The following LRBA variants were observed in gnomAD, a reference collection of about 807,000 sequenced individuals.
The protein encoded by LRBA is LPS responsive beige-like anchor protein.
Under a neutral mutation model 330.0 loss-of-function variants are expected in LRBA, and 176 were observed. That is an observed-to-expected ratio of 0.53 (90% CI 0.47 to 0.60). The LOEUF (loss-of-function observed/expected upper bound fraction) is 0.60, where lower values mean the gene tolerates loss of function less well. LRBA is among the 20% of genes least tolerant of loss of function. The pLI is 0.00. For missense variants in LRBA, 3,259 were observed against 3,444.8 expected, an observed-to-expected ratio of 0.95 and a Z score of 1.35; for synonymous variants, 1,230 against 1,193.0, an observed-to-expected ratio of 1.03 and a Z score of -0.64.
rs1241673071 is a variant in LRBA at position 150,908,471 on chromosome 4, G to GT, written c.1360-5dup. 1 of 1,584,242 alleles carries GT rather than the reference G, an allele frequency of 6.3e-7. No individual in the cohort carries two copies. Among genetic ancestry groups the GT allele is most frequent in the Middle Eastern group, 1.7e-4 (1 of 5,946 alleles). On this transcript the variant is annotated splice_polypyrimidine_tract_variant and splice_region_variant and intron_variant, in intron 10 of 56. Transcript: ENST00000651943. The stretch of plus-strand genomic sequence containing the variant: ...GTGTTAAAACTGCCTTTACATCCTT[G>GT]TAAGATCAAAAACACAGTAAAGAGT...
At chr4:150,970,613 A>G (rs1307606920) in intron 2 of LRBA, 1 of 149,372 alleles carries the variant, frequency 6.7e-6, no homozygotes, top group Non-Finnish European at 1.5e-5. Flanking sequence ...TGTAACTCAT[A>G]TGCATTGGAA....
At chr4:150,739,309 G>A (rs1289853249) in intron 35 of LRBA, among the ~76,000 whole-genome samples, 1 of 151,328 alleles carries the variant, frequency 6.6e-6, no homozygotes, top group Non-Finnish European at 1.5e-5. Context: ...ATTATACCCA[G>A]TAAGTGAATA....
Position 150,487,802 on chromosome 4 carries a change from T to C in LRBA, c.6481A>G (p.Thr2161Ala), listed in dbSNP as rs771977771. 1.3e-6 allele frequency: 2 copies of C among 1,594,874 alleles called. No individual in the cohort carries two copies. Among genetic ancestry groups the C allele is most frequent in the South Asian group, 2.3e-5 (2 of 88,732 alleles). Residue 2161 changes from threonine (T) to alanine (A), a missense_variant, in exon 42 of 57, where the codon ACA (threonine) becomes GCA (alanine). Physicochemically the swap from Thr to Ala is moderately conservative, Grantham distance 58. Coordinates refer to ENST00000651943, the MANE Select transcript of LRBA (RefSeq NM_001364905.1). ...AGATAGTTAACCACTTTCTTTACTG[T>C]TGCAGGGTCTGGGAAGTTGAACATC... ...AVMFNFPDPA[T>A]VKKVVNYLPR...
chr4:150,549,328 AT>A, intron 40 of LRBA, among the ~76,000 whole-genome samples: 1 of 150,476 alleles, frequency 6.6e-6, no homozygotes, highest in Non-Finnish European at 1.5e-5. Context: ...ATTTTATTTT[AT>A]TTTATTTTTT....
At chr4:150,298,167 C>A (rs1729197086) in intron 53 of LRBA, among the ~76,000 whole-genome samples, 2 of 152,076 alleles carry the variant, frequency 1.3e-5, no homozygotes, top group Admixed American at 1.3e-4. Flanking sequence ...TTCAGTAAAA[C>A]ATACTAGGCT....
At chr4:150,320,450 C>T (rs913844672) in intron 50 of LRBA, among the ~76,000 whole-genome samples, 1 of 151,658 alleles carries the variant, frequency 6.6e-6, no homozygotes, top group African/African-American at 2.4e-5. Flanking sequence ...TCAACAAATA[C>T]TACCAATACT....
intron 56 of LRBA, among the ~76,000 whole-genome samples, chr4:150,272,383 A>C (rs1378870497): frequency 6.6e-6 from 1 of 152,142 alleles, no homozygotes; most frequent in African/African-American, 2.4e-5. Context: ...CCAGTGCAAA[A>C]AGCTGAAAAT....
chr4:150,402,990 T>C (rs1258281463), intron 47 of LRBA, among the ~76,000 whole-genome samples: 1 of 152,114 alleles, frequency 6.6e-6, no homozygotes, highest in African/African-American at 2.4e-5. Flanking sequence ...ACAGAAGTCT[T>C]TGCTAAGAAA....
chr4:150,541,635 T>C (rs1032073437), intron 40 of LRBA, among the ~76,000 whole-genome samples: 1 of 152,220 alleles, frequency 6.6e-6, no homozygotes, highest in African/African-American at 2.4e-5. Flanking sequence ...TACCGTTTTA[T>C]GCTATTTTAA....
chr4:150,622,509 C>G (rs940320244), intron 37 of LRBA, among the ~76,000 whole-genome samples: 67 of 152,010 alleles, frequency 4.4e-4, no homozygotes, highest in African/African-American at 1.6e-3. Flanking sequence ...TGCACACCAG[C>G]CTGAGCAACA....
At chr4:150,471,968 A>G (rs1224500745) in intron 42 of LRBA, among the ~76,000 whole-genome samples, 1 of 152,090 alleles carries the variant, frequency 6.6e-6, no homozygotes, top group Non-Finnish European at 1.5e-5. Context: ...CTGTCATTAC[A>G]GTGCCATTAT....
intron 37 of LRBA, among the ~76,000 whole-genome samples, chr4:150,637,947 T>A (rs1042673165): frequency 6.6e-6 from 1 of 152,182 alleles, no homozygotes. Flanking sequence ...GTATTTCCAT[T>A]TATCTTTTGG....
rs140756769 is a variant in LRBA, at chr4:150,866,991, G to C, written c.2766+680C>G. ...GTTGGGGGTCAGGCGAAGAAGAGGA[G>C]ACAAAGCAATTATAGAGGAGTAACC... is the stretch of plus-strand genomic sequence containing the variant. On this transcript the variant is annotated intron_variant, in intron 22 of 56. Transcript: ENST00000651943. 1.7e-3 allele frequency among the ~76,000 whole-genome samples: 260 copies of C among 150,938 alleles called. 2 individuals carry two copies. Among genetic ancestry groups the C allele is most frequent in the African/African-American group, 6.2e-3 (253 of 41,138 alleles).
At chr4:150,896,351 G>C (rs753149742) in intron 16 of LRBA, 43 bp downstream of exon 16, 2 of 1,053,202 alleles carry the variant, frequency 1.9e-6, no homozygotes, top group East Asian at 2.7e-5. Context: ...GTCTAATGTA[G>C]CTTCAAAAAT....
intron 47 of LRBA, among the ~76,000 whole-genome samples, chr4:150,366,319 GCTA>G (rs1284324489): frequency 1.3e-5 from 2 of 152,050 alleles, no homozygotes; most frequent in African/African-American, 2.4e-5. Context: ...TCACTCTGAG[GCTA>G]CTATTTTCCT....
chr4:150,362,923 G>C (rs1438872899), intron 47 of LRBA, among the ~76,000 whole-genome samples: 1 of 152,034 alleles, frequency 6.6e-6, no homozygotes, highest in Admixed American at 6.6e-5. Flanking sequence ...CAGCCTGGCA[G>C]CCTGGGCAAC....
intron 53 of LRBA, among the ~76,000 whole-genome samples, chr4:150,290,011 T>A (rs1024852891): frequency 2.0e-5 from 3 of 152,104 alleles, no homozygotes; most frequent in African/African-American, 7.2e-5. Context: ...ACTGTATACA[T>A]CATCCTGGAT....
chr4:150,450,237 A>G, intron 44 of LRBA, among the ~76,000 whole-genome samples: 1 of 152,222 alleles, frequency 6.6e-6, no homozygotes, highest in East Asian at 1.9e-4. Context: ...AAAAAATAAC[A>G]ATTTGAAGAG....
intron 16 of LRBA, among the ~76,000 whole-genome samples, chr4:150,893,412 G>A (rs986098090): frequency 2.0e-5 from 3 of 152,104 alleles, no homozygotes; most frequent in African/African-American, 7.2e-5. Context: ...GCACAGTGGT[G>A]TGATCTCAGC....
Sources: gnomAD v4.1 joint callset for allele counts (sites outside exome capture counted in the v4.1 genomes callset) on GRCh38, gnomAD v4.1.1 for gene constraint, MANE v1.5 for transcripts, NCBI Gene and HGNC (gene_info 2026-07-23, HGNC 2026-07-21) for gene names.